SAMD4A: variants seen among roughly 807,000 people sequenced by gnomAD.
The protein encoded by SAMD4A is sterile alpha motif domain containing 4A.
SAMD4A carries 33 observed loss-of-function variants against 81.3 expected under a neutral mutation model. The observed-to-expected ratio is 0.41, with a 90% CI of 0.31 to 0.54. The LOEUF (loss-of-function observed/expected upper bound fraction) is 0.54, where lower values mean the gene tolerates loss of function less well. Ranked by LOEUF, SAMD4A falls within the 20% of genes least tolerant of loss-of-function variation. SAMD4A has a pLI of 0.37. For missense variants in SAMD4A, 854 were observed against 951.1 expected, an observed-to-expected ratio of 0.90 and a Z score of 1.34; for synonymous variants, 389 against 382.1, an observed-to-expected ratio of 1.02 and a Z score of -0.21.
chr14:54,752,897 G>A (rs1267574000), intron 6 of SAMD4A, among the ~76,000 whole-genome samples: 1 of 152,210 alleles, frequency 6.6e-6, no homozygotes, highest in East Asian at 1.9e-4. Context: ...TTCAAGGGAA[G>A]GTACTATGAC....
intron 2 of SAMD4A, among the ~76,000 whole-genome samples, chr14:54,576,368 GAAAC>G (rs1361646731): frequency 6.6e-6 from 1 of 152,180 alleles, no homozygotes; most frequent in African/African-American, 2.4e-5. Context: ...ATGAATGGGA[GAAAC>G]AAACTGTCTG....
At chr14:54,699,611 G>A (rs2036662346) in intron 2 of SAMD4A, among the ~76,000 whole-genome samples, 1 of 152,176 alleles carries the variant, frequency 6.6e-6, no homozygotes, top group Non-Finnish European at 1.5e-5. Flanking sequence ...GCTCATTAAT[G>A]ATAATGGATA....
chr14:54,718,554 T>TGTTG (rs1555346818), intron 3 of SAMD4A, among the ~76,000 whole-genome samples: 1 of 134,754 alleles, frequency 7.4e-6, no homozygotes, highest in South Asian at 2.4e-4. Flanking sequence ...TTTTGGGTTT[T>TGTTG]TTGTTGTTGT....
At chr14:54,767,871 G>A (rs769020022) in intron 8 of SAMD4A, among the ~76,000 whole-genome samples, 12 of 152,166 alleles carry the variant, frequency 7.9e-5, no homozygotes, top group Middle Eastern at 3.2e-3. Context: ...GCTGAGAACC[G>A]GCCCCCACTC....
intron 2 of SAMD4A, among the ~76,000 whole-genome samples, chr14:54,655,525 A>T (rs2035499817): frequency 1.3e-5 from 2 of 152,084 alleles, no homozygotes; most frequent in African/African-American, 4.8e-5. Context: ...TGAGGTCGGG[A>T]GTTCGAGACC....
upstream of SAMD4A, among the ~76,000 whole-genome samples, chr14:54,565,566 C>T (rs575620634): frequency 1.3e-3 from 204 of 152,348 alleles, 1 homozygote; most frequent in African/African-American, 4.8e-3. The surrounding 1 kb of genome is among the most constrained non-coding windows in gnomAD (Gnocchi z 5.4). Flanking sequence ...CCACGACCCC[C>T]GGAACCCATC....
At chr14:54,669,091 G>A (rs1223032186) in intron 2 of SAMD4A, among the ~76,000 whole-genome samples, 1 of 152,266 alleles carries the variant, frequency 6.6e-6, no homozygotes, top group Non-Finnish European at 1.5e-5. Context: ...TAAGCCATTC[G>A]TGGGAGAAGG....
chr14:54,569,978 TTG>T (rs2140103785), intron 2 of SAMD4A, among the ~76,000 whole-genome samples: 1 of 152,240 alleles, frequency 6.6e-6, no homozygotes, highest in East Asian at 1.9e-4. Context: ...TGTGAATTTT[TTG>T]AAGTCACTTG....
intron 3 of SAMD4A, among the ~76,000 whole-genome samples, chr14:54,719,002 CA>C (rs796869797): frequency 3.1e-3 from 383 of 125,148 alleles, no homozygotes; most frequent in Middle Eastern, 3.9e-3. Flanking sequence ...AACTCCATCT[CA>C]AAAAAAAAAA....
At chr14:54,670,849 A>G (rs2035865833) in intron 2 of SAMD4A, among the ~76,000 whole-genome samples, 2 of 152,232 alleles carry the variant, frequency 1.3e-5, no homozygotes, top group Non-Finnish European at 2.9e-5. Context: ...AGCAGCTAAA[A>G]TTGCTCCTAA....
At chr14:54,644,835 G>A (rs2035251729) in intron 2 of SAMD4A, among the ~76,000 whole-genome samples, 1 of 152,132 alleles carries the variant, frequency 6.6e-6, no homozygotes, top group Non-Finnish European at 1.5e-5. Flanking sequence ...GGCAAGTCTT[G>A]CCTTCAGTAT....
chr14:54,782,521 T>G (rs1315967477), intron 11 of SAMD4A, among the ~76,000 whole-genome samples: 1 of 152,154 alleles, frequency 6.6e-6, no homozygotes, highest in Admixed American at 6.5e-5. Context: ...AACTAGTGGG[T>G]GGGGGCGGTG....
chr14:54,714,191 C>A (rs943707371), intron 3 of SAMD4A, among the ~76,000 whole-genome samples: 2 of 151,984 alleles, frequency 1.3e-5, no homozygotes, highest in Non-Finnish European at 2.9e-5. Flanking sequence ...TAAATCATAC[C>A]CTTAATACGT....
chr14:54,705,824 A>T (rs924625190), intron 3 of SAMD4A, among the ~76,000 whole-genome samples: 5 of 152,208 alleles, frequency 3.3e-5, no homozygotes, highest in African/African-American at 1.2e-4. Context: ...AATTGGAGAG[A>T]TATGATATAT....
chr14:54,568,056 A>C lies in SAMD4A; in HGVS notation c.140A>C (p.His47Pro). ...QARFLQLCLE[H>P]SLADCAELHV... ...CGCTTCCTCCAGCTCTGCCTGGAGC[A>C]CTCGCTGGCCGACTGCGCCGAGCTG... Residue 47 changes from histidine to proline, a missense_variant, in exon 2 of 13, where the codon CAC (histidine) becomes CCC (proline). By Grantham distance (77) the His-to-Pro change is moderately conservative. Transcript: ENST00000554335. The C allele has an allele frequency of 6.3e-7, 1 of 1,593,772 alleles. No homozygotes were observed. The highest frequency in any genetic ancestry group is 8.5e-7 in the Non-Finnish European group (1 of 1,176,180).
chr14:54,752,192 T>C (rs2038121750), intron 6 of SAMD4A, among the ~76,000 whole-genome samples: 1 of 152,232 alleles, frequency 6.6e-6, no homozygotes. Context: ...CTGTCCCATT[T>C]TATTTGCTGC....
Position 54,770,138 on chromosome 14 carries a change from C to A in SAMD4A, c.1631C>A (p.Ser544Ter). Reference sequence around the variant, plus strand: ...GAGACACAGAAAAAAAGATTGTTGTCATGGAAACAGCAGGTGCAGAAGCTC... The same window carrying A: ...GAGACACAGAAAAAAAGATTGTTGTAATGGAAACAGCAGGTGCAGAAGCTC... ...FTETQKKRLL[S>*]WKQQVQKLFR... The change falls in exon 9 of 13, where the codon TCA becomes TAA. Residue 544 changes from serine to a stop codon, truncating the protein, a stop_gained. Coordinates refer to ENST00000554335, the MANE Select transcript of SAMD4A (RefSeq NM_015589.6). LOFTEE classifies it high-confidence loss of function. 6.2e-7 allele frequency: 1 copy of A among 1,614,086 alleles called. No homozygotes were observed. Among genetic ancestry groups the A allele is most frequent in the South Asian group, 1.1e-5 (1 of 91,066 alleles).
At chr14:54,736,369 A>T (rs987512413) in intron 3 of SAMD4A, among the ~76,000 whole-genome samples, 1 of 152,192 alleles carries the variant, frequency 6.6e-6, no homozygotes, top group Non-Finnish European at 1.5e-5. Context: ...GGCTAAGGGA[A>T]AGAATCGGCC....
intron 3 of SAMD4A, among the ~76,000 whole-genome samples, chr14:54,708,835 G>A (rs1678646777): frequency 6.6e-6 from 1 of 152,162 alleles, no homozygotes; most frequent in African/African-American, 2.4e-5. Flanking sequence ...GCACATGGTA[G>A]GTAATTAAGG....
Sources: allele counts gnomAD v4.1 joint callset (sites outside exome capture counted in the v4.1 genomes callset), GRCh38; gene constraint gnomAD v4.1.1; non-coding constraint Gnocchi (gnomAD v3.1); transcripts MANE v1.5; gene names NCBI Gene and HGNC (gene_info 2026-07-23, HGNC 2026-07-21).